Variants in KCNK12 observed in about 807,000 individuals in gnomAD.
KCNK12 encodes the protein potassium two pore domain channel subfamily K member 12.
Under a neutral mutation model 25.3 loss-of-function variants are expected in KCNK12, and 6 were observed. The observed-to-expected ratio is 0.24, with a 90% CI of 0.13 to 0.47. The LOEUF (loss-of-function observed/expected upper bound fraction) is 0.47. Among genes scored for constraint, KCNK12 ranks in the 20% least tolerant of loss-of-function variants. KCNK12 has a pLI of 0.99. For missense variants in KCNK12, 444 were observed against 661.7 expected (o/e 0.67, Z 3.61); for synonymous variants, 331 against 311.1 (o/e 1.06, Z -0.67).
chr2:47,549,917 G>A (rs2104843747), intron 1 of KCNK12, among the ~76,000 whole-genome samples: 1 of 150,704 alleles, frequency 6.6e-6, no homozygotes, highest in African/African-American at 2.4e-5. Context: ...CTGGGTGACT[G>A]AGCAAGACTC....
rs1049000836 is a variant in KCNK12, at chr2:47,533,483, G to T, written c.392-11675C>A. On this transcript the variant is annotated intron_variant, in intron 1 of 1. Coordinates refer to ENST00000327876, the MANE Select transcript of KCNK12 (RefSeq NM_022055.2). This position sits in a 1 kb window ranked among gnomAD's most constrained non-coding sequence, Gnocchi z 4.7. Reference sequence around the variant, plus strand: ...CAGCAAAGTGGCTCAGGTGAGGCAGGCAAGGAATGGGCAAATCACGACATG... The same window carrying T: ...CAGCAAAGTGGCTCAGGTGAGGCAGTCAAGGAATGGGCAAATCACGACATG... 2.0e-5 allele frequency among the ~76,000 whole-genome samples: 3 copies of T among 152,228 alleles called. No individual in the cohort carries two copies. Among genetic ancestry groups the T allele is most frequent in the Admixed American group, 6.5e-5 (1 of 15,286 alleles).
Position 47,570,463 on chromosome 2 carries a change from A to G in KCNK12, c.-132T>C. The G allele has an allele frequency of 1.6e-5, 16 of 976,390 alleles. No individual in the cohort carries two copies. Among genetic ancestry groups the G allele is most frequent in the Non-Finnish European group, 2.1e-5 (16 of 768,082 alleles). The allele number at this position is 976,390 out of a possible 1,614,324, so 60.5% of individuals were successfully genotyped here. ...CCGCGGAGCCCCTCGCCGCCTTCGCAGAGCCCCTCGTCGCCTTCCCAGAGC... is the reference window on the plus strand; with the variant it reads ...CCGCGGAGCCCCTCGCCGCCTTCGCGGAGCCCCTCGTCGCCTTCCCAGAGC... On this transcript the variant is annotated 5_prime_UTR_variant, in exon 1 of 2. Transcript: ENST00000327876.
chr2:47,545,367 C>T (rs1054287888), intron 1 of KCNK12, among the ~76,000 whole-genome samples: 6 of 152,184 alleles, frequency 3.9e-5, no homozygotes, highest in East Asian at 1.9e-4. Context: ...ATTAGCCACA[C>T]TTGGGCTTGG....
In KCNK12 at chr2:47,570,087, G is replaced by A; in HGVS notation, c.245C>T (p.Ala82Val). Residue 82 changes from alanine to valine, a missense_variant, in exon 1 of 2, where the codon GCG becomes GTG. By Grantham distance (64) the Ala-to-Val change is moderately conservative. Transcript: ENST00000327876. ...WGATLRNFSA[A>V]HGVAEPELRA... ...CAGCTCTGGCTCGGCCACGCCGTGC[G>A]CAGCGCTGAAGTTGCGCAGCGTGGC... 2.9e-6 allele frequency: 4 copies of A among 1,387,078 alleles called. No homozygotes were observed. The highest frequency in any genetic ancestry group is 9.3e-7 in the Non-Finnish European group (1 of 1,071,198). The allele number at this position is 1,387,078 out of a possible 1,614,324, so 85.9% of individuals were successfully genotyped here. A position where few individuals can be genotyped will look rare whatever the true frequency, so the allele number is the denominator to read the frequency against.
rs1668590827 is a variant in KCNK12, at chr2:47,519,194, A to G, written c.*1713T>C. The G allele has an allele frequency of 6.6e-6, 1 of 152,250 alleles. No homozygotes were observed. The highest frequency in any genetic ancestry group is 1.5e-5 in the Non-Finnish European group (1 of 68,038). The allele number at this position is 152,250 out of a possible 1,614,324, so 9.4% of individuals were successfully genotyped here. On this transcript the variant is annotated 3_prime_UTR_variant, in exon 2 of 2. Coordinates refer to ENST00000327876, the MANE Select transcript of KCNK12 (RefSeq NM_022055.2). ...CAGAAATTACCCAAAATAGCTGGAG[A>G]GTCACTGAGATCTCAGGTAAGCTTT...
In KCNK12 at chr2:47,511,350, C is replaced by G. The variant is rs1473129433; in HGVS notation, c.*9557G>C. Among the ~76,000 whole-genome samples, 1 of 152,210 alleles carries G rather than the reference C, an allele frequency of 6.6e-6. No homozygotes were observed. The highest frequency in any genetic ancestry group is 6.5e-5 in the Admixed American group (1 of 15,280). On this transcript the variant is annotated 3_prime_UTR_variant, in exon 2 of 2. Transcript: ENST00000327876. This position sits in a 1 kb window ranked among gnomAD's most constrained non-coding sequence, Gnocchi z 4.3. ...GAGGTTTTGCTTTGTGTCTTAATTA[C>G]AGCCATTTGTGGAATTAGGCTTTTA...
chr2:47,551,186 A>G lies in KCNK12; in HGVS notation c.391+18755T>C, dbSNP rs1459774980. 6.6e-6 allele frequency among the ~76,000 whole-genome samples: 1 copy of G among 152,070 alleles called. No individual in the cohort carries two copies. The highest frequency in any genetic ancestry group is 1.5e-5 in the Non-Finnish European group (1 of 68,000). The stretch of plus-strand genomic sequence containing the variant: ...TTGCCCCTCCTCCAAACACTATTCC[A>G]GACACACTGGCTTCCTTGCGGCTCC... On this transcript the variant is annotated intron_variant, in intron 1 of 1. Transcript: ENST00000327876. The surrounding 1 kb of genome is among the most constrained non-coding windows in gnomAD (Gnocchi z 5.3).
intron 1 of KCNK12, among the ~76,000 whole-genome samples, chr2:47,524,887 CTT>C (rs1668736392): frequency 6.6e-6 from 1 of 152,144 alleles, no homozygotes; most frequent in African/African-American, 2.4e-5. Context: ...ACTCCCACCT[CTT>C]TGTCCTGGCT....
At position 47,528,300 on chromosome 2, in the gene KCNK12, G is replaced by C. The variant is rs1668834210; in HGVS notation, c.392-6492C>G. The C allele has an allele frequency of 6.6e-6, 1 of 152,502 alleles. No homozygotes were observed. The highest frequency in any genetic ancestry group is 2.4e-5 in the African/African-American group (1 of 41,468). The allele number at this position is 152,502 out of a possible 1,614,324, so 9.4% of individuals were successfully genotyped here. A position where few individuals can be genotyped will look rare whatever the true frequency, so the allele number is the denominator to read the frequency against. On this transcript the variant is annotated intron_variant, in intron 1 of 1. Coordinates refer to ENST00000327876, the MANE Select transcript of KCNK12 (RefSeq NM_022055.2). The surrounding 1 kb of genome is among the most constrained non-coding windows in gnomAD (Gnocchi z 4.5). ...CTTTACTGCCCTTCGCTTTCCTACA[G>C]AGCACACTCAGCTCATCCTGGGAGA...
intron 1 of KCNK12, chr2:47,567,108 A>C (rs1045450302): frequency 1.3e-5 from 2 of 152,256 alleles, no homozygotes; most frequent in East Asian, 3.8e-4. Context: ...AGTCTAGATG[A>C]ATCACATATC....
rs1016279958 is a variant in KCNK12, at chr2:47,520,836, CTG to C, written c.*69_*70del. 1.8e-5 allele frequency: 19 copies of C among 1,061,346 alleles called. No individual in the cohort carries two copies. The African/African-American group carries it at 3.0e-4, about 16-fold the overall frequency. The allele number at this position is 1,061,346 out of a possible 1,614,324, so 65.7% of individuals were successfully genotyped here. A position where few individuals can be genotyped will look rare whatever the true frequency, so the allele number is the denominator to read the frequency against. On this transcript the variant is annotated 3_prime_UTR_variant, in exon 2 of 2. Transcript: ENST00000327876. This position sits in a 1 kb window ranked among gnomAD's most constrained non-coding sequence, Gnocchi z 5.0. ...AAGATTAAGAAAGCGCCAGCAGTGA[CTG>C]AGAGAAGCAAACCACGCCCGGCGGC...
At position 47,518,267 on chromosome 2, in the gene KCNK12, C is replaced by T. The variant is rs1186834883; in HGVS notation, c.*2640G>A. The T allele has an allele frequency of 2.0e-5, 3 of 152,226 alleles. No individual in the cohort carries two copies. The highest frequency in any genetic ancestry group is 4.4e-5 in the Non-Finnish European group (3 of 68,136). 9.4% of individuals were successfully genotyped at this position (152,226 alleles called of 1,614,324 possible). ...GGGGATGGGGACAGGGGAACATAGG[C>T]AAAAATACACATGTGCCACTGGATC... On this transcript the variant is annotated 3_prime_UTR_variant, in exon 2 of 2. Coordinates refer to ENST00000327876, the MANE Select transcript of KCNK12 (RefSeq NM_022055.2). This position sits in a 1 kb window ranked among gnomAD's most constrained non-coding sequence, Gnocchi z 4.1.
Position 47,541,172 on chromosome 2 carries a change from G to T in KCNK12, c.392-19364C>A, listed in dbSNP as rs144752146. On this transcript the variant is annotated intron_variant, in intron 1 of 1. Coordinates refer to ENST00000327876, the MANE Select transcript of KCNK12 (RefSeq NM_022055.2). Reference sequence around the variant, plus strand: ...ATACATCCCTCACCCTTTTCCAATTGATTTTTAGCTTCCTTCATCCCTCCC... The same window carrying T: ...ATACATCCCTCACCCTTTTCCAATTTATTTTTAGCTTCCTTCATCCCTCCC... Among the ~76,000 whole-genome samples, 50 of 152,180 alleles carry T rather than the reference G, an allele frequency of 3.3e-4. 1 individual carries two copies. The East Asian group carries it at 9.5e-3, about 29-fold the overall frequency.
Position 47,562,633 on chromosome 2 carries a change from C to T in KCNK12, c.391+7308G>A. 1 of 233,328 alleles carries T rather than the reference C, an allele frequency of 4.3e-6. No individual in the cohort carries two copies. The highest frequency in any genetic ancestry group is 8.5e-6 in the Non-Finnish European group (1 of 118,114). 14.5% of individuals were successfully genotyped at this position (233,328 alleles called of 1,614,324 possible). On this transcript the variant is annotated intron_variant, in intron 1 of 1. Coordinates refer to ENST00000327876, the MANE Select transcript of KCNK12 (RefSeq NM_022055.2). This position sits in a 1 kb window ranked among gnomAD's most constrained non-coding sequence, Gnocchi z 4.8. ...GGTTTGGGGTAGAACTTCCTGGGGC[C>T]AGAGTCTCATAGCAGTGGTAGCCAA...
chr2:47,552,311 C>T (rs1669453673), intron 1 of KCNK12, among the ~76,000 whole-genome samples: 1 of 152,146 alleles, frequency 6.6e-6, no homozygotes, highest in Admixed American at 6.5e-5. Context: ...AATCTCCGAG[C>T]AGTGAGGGGA....
chr2:47,570,386 TC>T lies in KCNK12; in HGVS notation c.-56del. On this transcript the variant is annotated 5_prime_UTR_variant, in exon 1 of 2. Transcript: ENST00000327876. ...GGCGCTCGGGGCCCGGGCCACGACA[TC>T]CCCCCGGCGGGAGCAGGAGCGTGAG... 1.7e-6 allele frequency: 2 copies of T among 1,207,756 alleles called. No homozygotes were observed. Among genetic ancestry groups the T allele is most frequent in the Non-Finnish European group, 2.1e-6 (2 of 974,212 alleles). The allele number at this position is 1,207,756 out of a possible 1,614,324, so 74.8% of individuals were successfully genotyped here.
At position 47,520,476 on chromosome 2, in the gene KCNK12, G is replaced by A. The variant is rs1372430180; in HGVS notation, c.*431C>T. The stretch of plus-strand genomic sequence containing the variant: ...CTATATCACTTCTGACGACCAGAAG[G>A]AAGCTGCTAGGCTGGGCCAGGATTC... On this transcript the variant is annotated 3_prime_UTR_variant, in exon 2 of 2. Transcript: ENST00000327876. This position sits in a 1 kb window ranked among gnomAD's most constrained non-coding sequence, Gnocchi z 5.0. 1.3e-5 allele frequency: 2 copies of A among 156,670 alleles called. No homozygotes were observed. The highest frequency in any genetic ancestry group is 1.9e-4 in the East Asian group (1 of 5,366). The allele number at this position is 156,670 out of a possible 1,614,324, so 9.7% of individuals were successfully genotyped here. A position where few individuals can be genotyped will look rare whatever the true frequency, so the allele number is the denominator to read the frequency against.
rs1668452497 is a variant in KCNK12, at chr2:47,513,490, G to C, written c.*7417C>G. Among the ~76,000 whole-genome samples the C allele has an allele frequency of 6.6e-6, 1 of 152,010 alleles. No homozygotes were observed. The highest frequency in any genetic ancestry group is 2.4e-5 in the African/African-American group (1 of 41,352). On this transcript the variant is annotated 3_prime_UTR_variant, in exon 2 of 2. Transcript: ENST00000327876. Reference sequence around the variant, plus strand: ...CTCCTGTCCCTTAAATGCTGGTTGTGATCCTCTTTTTATCTCATTCTACAC... The same window carrying C: ...CTCCTGTCCCTTAAATGCTGGTTGTCATCCTCTTTTTATCTCATTCTACAC...
In KCNK12 at chr2:47,540,370, G is replaced by T. The variant is rs1203702145; in HGVS notation, c.392-18562C>A. Reference sequence around the variant, plus strand: ...TCCGGCCTGGGACGTGAGAGGGCATGGGCTCACCTGCTCAGGGTTTGAATG... The same window carrying T: ...TCCGGCCTGGGACGTGAGAGGGCATTGGCTCACCTGCTCAGGGTTTGAATG... On this transcript the variant is annotated intron_variant, in intron 1 of 1. Coordinates refer to ENST00000327876, the MANE Select transcript of KCNK12 (RefSeq NM_022055.2). This position sits in a 1 kb window ranked among gnomAD's most constrained non-coding sequence, Gnocchi z 5.4. Among the ~76,000 whole-genome samples, 3 of 152,172 alleles carry T rather than the reference G, an allele frequency of 2.0e-5. No individual in the cohort carries two copies. Among genetic ancestry groups the T allele is most frequent in the African/African-American group, 7.2e-5 (3 of 41,426 alleles).
Sources: gnomAD v4.1 joint callset for allele counts (sites outside exome capture counted in the v4.1 genomes callset) on GRCh38, gnomAD v4.1.1 for gene constraint, Gnocchi (gnomAD v3.1) non-coding constraint, MANE v1.5 for transcripts, NCBI Gene and HGNC (gene_info 2026-07-23, HGNC 2026-07-21) for gene names.